The following PCDH15 variants were observed in gnomAD, a reference collection of about 807,000 sequenced individuals.
The protein encoded by PCDH15 is protocadherin related 15.
A neutral mutation model predicts 178.5 loss-of-function variants in PCDH15; 129 were observed. The observed-to-expected ratio is 0.72, with a 90% CI of 0.63 to 0.84. The LOEUF (loss-of-function observed/expected upper bound fraction) is 0.84, where lower values mean the gene tolerates loss of function less well. Ranked by LOEUF, PCDH15 falls within the 40% of genes least tolerant of loss-of-function variation. The pLI, the probability that PCDH15 is intolerant of heterozygous loss-of-function variation, is 0.00. For missense variants in PCDH15, 2,230 were observed against 2,099.9 expected, an observed-to-expected ratio of 1.06 and a Z score of -1.21; for synonymous variants, 800 against 732.0, an observed-to-expected ratio of 1.09 and a Z score of -1.50.
chr10:55,054,423 A>G (rs1841242545), intron 2 of PCDH15, among the ~76,000 whole-genome samples: 1 of 152,064 alleles, frequency 6.6e-6, no homozygotes, highest in Non-Finnish European at 1.5e-5. Flanking sequence ...TTTTGAATCT[A>G]CTGTTGATGG....
chr10:54,297,090 G>T (rs188578987), intron 8 of PCDH15, among the ~76,000 whole-genome samples: 5 of 152,106 alleles, frequency 3.3e-5, no homozygotes, highest in African/African-American at 1.2e-4. Flanking sequence ...TTGGGCAAGA[G>T]GGGTTTCTGC....
intron 16 of PCDH15, among the ~76,000 whole-genome samples, chr10:54,088,692 T>C (rs1056018300): frequency 1.3e-5 from 2 of 152,214 alleles, no homozygotes; most frequent in Admixed American, 1.3e-4. Context: ...TATATTGCAA[T>C]TTATGATCCA....
chr10:55,007,400 C>A (rs2131938515), intron 2 of PCDH15, among the ~76,000 whole-genome samples: 1 of 143,120 alleles, frequency 7.0e-6, no homozygotes, highest in Admixed American at 7.2e-5. Flanking sequence ...GTTAAATTCT[C>A]TTAAATAGCA....
At chr10:53,866,506 A>G in intron 27 of PCDH15, 136 bp downstream of exon 27, 1 of 624,616 alleles carries the variant, frequency 1.6e-6, no homozygotes, top group Middle Eastern at 4.5e-4. Context: ...TATAGTGACT[A>G]ACAATCTGAG....
chr10:54,561,066 A>G (rs1360466925), intron 2 of PCDH15, among the ~76,000 whole-genome samples: 2 of 152,162 alleles, frequency 1.3e-5, no homozygotes, highest in Non-Finnish European at 2.9e-5. Context: ...GTCAAGAGTA[A>G]GAAAATATGA....
chr10:55,349,400 G>A (rs970752575), intron 2 of PCDH15, among the ~76,000 whole-genome samples: 1 of 152,068 alleles, frequency 6.6e-6, no homozygotes, highest in Admixed American at 6.6e-5. Flanking sequence ...TAGTCACATT[G>A]ACAGACATCT....
At chr10:54,516,606 GGAGAAT>G (rs2082248309) in intron 3 of PCDH15, among the ~76,000 whole-genome samples, 1 of 152,250 alleles carries the variant, frequency 6.6e-6, no homozygotes, top group South Asian at 2.1e-4. Flanking sequence ...AAAGTGACGG[GGAGAAT>G]GGAACCAAGT....
chr10:54,230,091 C>T (rs939119611), intron 9 of PCDH15, among the ~76,000 whole-genome samples: 1 of 152,066 alleles, frequency 6.6e-6, no homozygotes, highest in Non-Finnish European at 1.5e-5. Context: ...TTCACTTTTG[C>T]CTTCTTAAAA....
intron 2 of PCDH15, among the ~76,000 whole-genome samples, chr10:55,537,773 T>G (rs1389203983): frequency 6.6e-6 from 1 of 152,152 alleles, no homozygotes; most frequent in Non-Finnish European, 1.5e-5. Context: ...TTGTTGCTGA[T>G]GTCTCTCCTG....
chr10:55,552,237 A>G (rs1312376953), intron 2 of PCDH15, among the ~76,000 whole-genome samples: 1 of 151,674 alleles, frequency 6.6e-6, no homozygotes, highest in Non-Finnish European at 1.5e-5. Context: ...CTAATCATTT[A>G]ATAGAGTAGA....
intron 2 of PCDH15, among the ~76,000 whole-genome samples, chr10:54,957,998 C>G (rs1303612974): frequency 1.3e-5 from 2 of 151,664 alleles, no homozygotes; most frequent in Admixed American, 1.3e-4. Context: ...AACTTTAGAC[C>G]CTTTCAATTA....
intron 2 of PCDH15, among the ~76,000 whole-genome samples, chr10:55,338,255 T>G (rs1484870974): frequency 6.6e-6 from 1 of 151,950 alleles, no homozygotes; most frequent in Non-Finnish European, 1.5e-5. Flanking sequence ...TCAAAAAAAC[T>G]AAAAGTAAAA....
At chr10:53,918,408 T>G (rs1341029107) in intron 25 of PCDH15, among the ~76,000 whole-genome samples, 4 of 152,166 alleles carry the variant, frequency 2.6e-5, no homozygotes, top group Admixed American at 2.6e-4. Flanking sequence ...AAACAAGATT[T>G]GTAATAACAG....
chr10:54,768,737 T>C (rs1208717187), intron 1 of PCDH15, among the ~76,000 whole-genome samples: 2 of 152,136 alleles, frequency 1.3e-5, no homozygotes, highest in Non-Finnish European at 2.9e-5. Flanking sequence ...TATTATCACA[T>C]ATAGCATGAA....
chr10:54,358,842 T>C (rs1372346435), intron 5 of PCDH15, among the ~76,000 whole-genome samples: 1 of 151,970 alleles, frequency 6.6e-6, no homozygotes, highest in Non-Finnish European at 1.5e-5. Flanking sequence ...TAAAAAATGA[T>C]GAGTTCATGT....
intron 1 of PCDH15, among the ~76,000 whole-genome samples, chr10:54,705,818 C>A (rs896012467): frequency 2.0e-5 from 3 of 152,142 alleles, no homozygotes; most frequent in Admixed American, 1.3e-4. Context: ...TTCACTACTG[C>A]ATAAGTCTGA....
intron 2 of PCDH15, among the ~76,000 whole-genome samples, chr10:54,952,849 T>C (rs773520785): frequency 1.3e-4 from 20 of 151,698 alleles, no homozygotes; most frequent in Non-Finnish European, 2.4e-4. Context: ...ACTGTTTATC[T>C]TGCAAACTTG....
At chr10:54,914,040 A>C (rs1013823756) in intron 2 of PCDH15, among the ~76,000 whole-genome samples, 1 of 152,114 alleles carries the variant, frequency 6.6e-6, no homozygotes, top group Non-Finnish European at 1.5e-5. Flanking sequence ...TTTGTGCCAA[A>C]AGGCTTTAAG....
At chr10:53,892,284 C>G (rs1384240951) in intron 26 of PCDH15, among the ~76,000 whole-genome samples, 1 of 152,026 alleles carries the variant, frequency 6.6e-6, no homozygotes, top group Non-Finnish European at 1.5e-5. Flanking sequence ...CCCGGCCTCC[C>G]AAAGTTCTGG....
Sources: allele counts gnomAD v4.1 joint callset (sites outside exome capture counted in the v4.1 genomes callset), GRCh38; gene constraint gnomAD v4.1.1; transcripts MANE v1.5; gene names NCBI Gene and HGNC (gene_info 2026-07-23, HGNC 2026-07-21).